Variants in EBF4 observed in about 807,000 individuals in gnomAD.
EBF4 encodes the protein EBF transcription factor 4.
A neutral mutation model predicts 67.1 loss-of-function variants in EBF4; 34 were observed. The ratio of observed to expected loss-of-function variants is 0.51; its 90% confidence interval spans 0.39 to 0.67. The LOEUF is 0.67. EBF4 is among the 30% of genes least tolerant of loss of function. The pLI is 0.00. For missense variants in EBF4, 837 were observed against 873.3 expected (o/e 0.96, Z 0.52); for synonymous variants, 387 against 377.7 (o/e 1.02, Z -0.29).
At chr20:2,737,113 G>T (rs926501084) in intron 6 of EBF4, among the ~76,000 whole-genome samples, 17 of 150,742 alleles carry the variant, frequency 1.1e-4, no homozygotes, top group Non-Finnish European at 1.9e-4. Flanking sequence ...AGCCGGGCGT[G>T]GTGGCGGGCG....
intron 6 of EBF4, among the ~76,000 whole-genome samples, chr20:2,724,638 C>G (rs1366204504): frequency 1.3e-5 from 2 of 152,340 alleles, no homozygotes; most frequent in East Asian, 3.9e-4. Context: ...GGCATGATGG[C>G]TCATGCCTTT....
chr20:2,755,948 G>A lies in EBF4; in HGVS notation c.1738+124G>A, dbSNP rs1675642633. The A allele has an allele frequency of 3.0e-6, 3 of 1,007,798 alleles. No individual in the cohort carries two copies. The highest frequency in any genetic ancestry group is 2.8e-6 in the Non-Finnish European group (2 of 705,630). The allele number at this position is 1,007,798 out of a possible 1,614,324, so 62.4% of individuals were successfully genotyped here. On this transcript the variant is annotated intron_variant, in intron 15 of 16. Transcript: ENST00000609451. The surrounding 1 kb of genome is among the most constrained non-coding windows in gnomAD (Gnocchi z 4.7). ...CATGCTGGCTAACCTGCTCTTCTTG[G>A]AGGACGGAGAGCAGGGAGCTCTGCT...
At position 2,702,989 on chromosome 20, in the gene EBF4, T is replaced by C. The variant is rs533019267; in HGVS notation, c.138-2588T>C. 1.6e-4 allele frequency among the ~76,000 whole-genome samples: 24 copies of C among 152,178 alleles called. 1 individual carries two copies. The highest frequency in any genetic ancestry group is 5.5e-4 in the African/African-American group (23 of 41,516). The stretch of plus-strand genomic sequence containing the variant: ...CCGTAGTCAGGTAAGCAGGGTGTGT[T>C]AGTTGGCCAGGTGTAGTGGTTGGCA... On this transcript the variant is annotated intron_variant, in intron 1 of 16. Transcript: ENST00000609451.
chr20:2,694,465 C>G (rs566502771), intron 1 of EBF4, among the ~76,000 whole-genome samples: 1 of 152,288 alleles, frequency 6.6e-6, no homozygotes, highest in East Asian at 1.9e-4. Flanking sequence ...GTCTGGGAGT[C>G]TCAGTAGGGG....
At chr20:2,744,573 C>A (rs2146484297) in intron 6 of EBF4, among the ~76,000 whole-genome samples, 1 of 138,678 alleles carries the variant, frequency 7.2e-6, no homozygotes, top group Admixed American at 8.0e-5. Context: ...CTCACTGCAA[C>A]CTCCACCTCC....
chr20:2,742,518 C>T (rs2087982970), intron 6 of EBF4, among the ~76,000 whole-genome samples: 1 of 152,190 alleles, frequency 6.6e-6, no homozygotes, highest in African/African-American at 2.4e-5. Flanking sequence ...GCTTCTGCGA[C>T]TTGGCCTTTC....
intron 1 of EBF4, among the ~76,000 whole-genome samples, chr20:2,695,694 T>A (rs2087278826): frequency 6.6e-6 from 1 of 152,186 alleles, no homozygotes; most frequent in Non-Finnish European, 1.5e-5. Context: ...TACAGTTGTA[T>A]CTGGTTCCTC....
chr20:2,727,179 A>G (rs1465529208), intron 6 of EBF4, among the ~76,000 whole-genome samples: 1 of 152,006 alleles, frequency 6.6e-6, no homozygotes, highest in African/African-American at 2.4e-5. Flanking sequence ...ATATGTTTAT[A>G]ACATGTATAT....
intron 6 of EBF4, among the ~76,000 whole-genome samples, chr20:2,723,343 T>A (rs6037387): frequency 0.35 from 53,000 of 150,972 alleles, 10,687 homozygotes; most frequent in African/African-American, 0.57. Context: ...CTTTTATTTA[T>A]TTTTATTTTT....
Position 2,693,896 on chromosome 20 carries a change from T to G in EBF4, c.137+114T>G. The G allele has an allele frequency of 8.2e-7, 1 of 1,216,236 alleles. No homozygotes were observed. The highest frequency in any genetic ancestry group is 1.0e-6 in the Non-Finnish European group (1 of 971,566). 75.3% of individuals were successfully genotyped at this position (1,216,236 alleles called of 1,614,324 possible). On this transcript the variant is annotated intron_variant, in intron 1 of 16. Coordinates refer to ENST00000609451, the Ensembl canonical transcript of EBF4. This position sits in a 1 kb window ranked among gnomAD's most constrained non-coding sequence, Gnocchi z 4.6. ...CGGAAGGAGCCCTAACTCTGGACGG[T>G]CCCGGCGAGCTCCCCGGCCCACCCC...
At chr20:2,694,909 G>A (rs2087266395) in intron 1 of EBF4, among the ~76,000 whole-genome samples, 1 of 152,198 alleles carries the variant, frequency 6.6e-6, no homozygotes, top group Admixed American at 6.5e-5. Context: ...GGAAGAGAAA[G>A]GGTCTTGTGG....
At chr20:2,719,436 A>C (rs977505781) in intron 6 of EBF4, among the ~76,000 whole-genome samples, 3 of 152,022 alleles carry the variant, frequency 2.0e-5, no homozygotes, top group African/African-American at 7.2e-5. Context: ...CACCACGCCC[A>C]GCTAATTTTT....
At chr20:2,708,854 T>C (rs1278807489) in intron 5 of EBF4, among the ~76,000 whole-genome samples, 1 of 152,226 alleles carries the variant, frequency 6.6e-6, no homozygotes, top group East Asian at 1.9e-4. Context: ...GCAGCACTTC[T>C]TGGTGTGGAT....
rs1352132788 is a variant in EBF4, at chr20:2,693,900, G to A, written c.137+118G>A. The A allele has an allele frequency of 2.5e-6, 3 of 1,210,734 alleles. No homozygotes were observed. The highest frequency in any genetic ancestry group is 3.8e-5 in the South Asian group (1 of 26,258). The allele number at this position is 1,210,734 out of a possible 1,614,324, so 75.0% of individuals were successfully genotyped here. A position where few individuals can be genotyped will look rare whatever the true frequency, so the allele number is the denominator to read the frequency against. ...AGGAGCCCTAACTCTGGACGGTCCC[G>A]GCGAGCTCCCCGGCCCACCCCGTCC... On this transcript the variant is annotated intron_variant, in intron 1 of 16. Coordinates refer to ENST00000609451, the Ensembl canonical transcript of EBF4. This position sits in a 1 kb window ranked among gnomAD's most constrained non-coding sequence, Gnocchi z 4.6.
chr20:2,753,023 G>A (rs1369702024), intron 14 of EBF4, among the ~76,000 whole-genome samples: 1 of 152,248 alleles, frequency 6.6e-6, no homozygotes. Context: ...AGGTGGGCGT[G>A]GGGAGGATGT....
Position 2,693,698 on chromosome 20 carries a change from A to T in EBF4, c.53A>T (p.Glu18Val). ...CGCAGCGGGCTGAACCTGAAGGAGG[A>T]GCCGCTGCTGCCCGCCGGCCTGGGC... The change falls in exon 1 of 17, where the codon GAG (glutamate) becomes GTG (valine). Residue 18 changes from glutamate to valine, a missense_variant. Glu to Val is a moderately radical substitution (Grantham distance 121). Transcript: ENST00000609451. This position sits in a 1 kb window ranked among gnomAD's most constrained non-coding sequence, Gnocchi z 4.6. 1 of 1,429,722 alleles carries T rather than the reference A, an allele frequency of 7.0e-7. No individual in the cohort carries two copies. The highest frequency in any genetic ancestry group is 1.4e-5 in the South Asian group (1 of 71,498). The allele number at this position is 1,429,722 out of a possible 1,614,324, so 88.6% of individuals were successfully genotyped here. A position where few individuals can be genotyped will look rare whatever the true frequency, so the allele number is the denominator to read the frequency against.
chr20:2,749,928 T>A, exon 10 of EBF4: 1 of 1,551,154 alleles, frequency 6.4e-7, no homozygotes, highest in Non-Finnish European at 8.7e-7. Context: ...CTCCTACAAG[T>A]CCAAGCAGTT....
Position 2,755,568 on chromosome 20 carries a change from C to A in EBF4, c.1541-59C>A. The A allele has an allele frequency of 1.2e-6, 1 of 851,060 alleles. No individual in the cohort carries two copies. The allele number at this position is 851,060 out of a possible 1,614,324, so 52.7% of individuals were successfully genotyped here. ...AGCTGCTCACTCTGGTGCTGTCTCC[C>A]TGTTGTGTCTCCCACCACCTTCCCT... On this transcript the variant is annotated intron_variant, in intron 14 of 16. Coordinates refer to ENST00000609451, the Ensembl canonical transcript of EBF4. This position sits in a 1 kb window ranked among gnomAD's most constrained non-coding sequence, Gnocchi z 4.7.
chr20:2,744,492 C>CTTTTTTTTTT (rs35298353), intron 6 of EBF4, among the ~76,000 whole-genome samples: 3 of 115,892 alleles, frequency 2.6e-5, no homozygotes, highest in African/African-American at 1.0e-4. Context: ...TTTTTCTTTT[C>CTTTTTTTTTT]TTTTTTTTTT....
Sources: allele counts gnomAD v4.1 joint callset (sites outside exome capture counted in the v4.1 genomes callset), GRCh38; gene constraint gnomAD v4.1.1; non-coding constraint Gnocchi (gnomAD v3.1); transcripts MANE v1.5; gene names NCBI Gene and HGNC (gene_info 2026-07-23, HGNC 2026-07-21).